Variants in PKHD1 observed in about 807,000 individuals in gnomAD.
The protein encoded by PKHD1 is fibrocystin.
A neutral mutation model predicts 412.0 loss-of-function variants in PKHD1; 291 were observed. That is an observed-to-expected ratio of 0.71 (90% confidence interval 0.64 to 0.78). PKHD1 has a LOEUF of 0.78. Ranked by LOEUF, PKHD1 falls within the 30% of genes least tolerant of loss-of-function variation. The pLI is 0.00. For missense variants in PKHD1, 4,825 were observed against 4,950.7 expected, an observed-to-expected ratio of 0.97 and a Z score of 0.76; for synonymous variants, 1,777 against 1,821.5, an observed-to-expected ratio of 0.98 and a Z score of 0.62.
chr6:51,690,271 C>CAA (rs70977310), intron 60 of PKHD1, among the ~76,000 whole-genome samples: 26 of 109,918 alleles, frequency 2.4e-4, no homozygotes, highest in South Asian at 9.6e-4. Context: ...GACTCCATCT[C>CAA]AAAAAAAAAA....
At chr6:52,053,645 T>C (rs554579652) in intron 20 of PKHD1, among the ~76,000 whole-genome samples, 6 of 152,226 alleles carry the variant, frequency 3.9e-5, no homozygotes, top group Non-Finnish European at 8.8e-5. Context: ...ATGAGAATTA[T>C]GTGGAAAGCA....
intron 53 of PKHD1, among the ~76,000 whole-genome samples, chr6:51,778,417 T>C (rs148029229): frequency 7.9e-4 from 120 of 152,248 alleles, no homozygotes; most frequent in Non-Finnish European, 1.5e-3. Flanking sequence ...ATGAGGAAAC[T>C]GAGGCAAAGA....
intron 46 of PKHD1, among the ~76,000 whole-genome samples, chr6:51,872,587 T>C (rs187317887): frequency 6.6e-6 from 1 of 152,236 alleles, no homozygotes; most frequent in Non-Finnish European, 1.5e-5. Context: ...TTTTGTACTT[T>C]TAGTAGAGAC....
At chr6:51,968,438 G>A (rs1793173315) in intron 35 of PKHD1, among the ~76,000 whole-genome samples, 2 of 152,130 alleles carry the variant, frequency 1.3e-5, no homozygotes, top group African/African-American at 2.4e-5. Flanking sequence ...ACAGCTCACT[G>A]AGGGCAAAGA....
intron 55 of PKHD1, 148 bp from the exon 56 acceptor site, chr6:51,755,086 G>T: frequency 2.6e-6 from 2 of 755,822 alleles, no homozygotes; most frequent in Non-Finnish European, 4.6e-6. Flanking sequence ...GTGGAAAAAG[G>T]CTTTCGCAAA....
rs1180078431 is a variant in PKHD1 at position 52,028,174 on chromosome 6, A to T, written c.3542T>A (p.Val1181Asp). ...LHRISVSING[V>D]SIHSQGVDLH... ...ACCTCACCCTTGTGAGTGAATGCTG[A>T]CCCCATTGATAGAGACGGAAATTCT... is the stretch of plus-strand genomic sequence containing the variant. The change falls in exon 30 of 67, where the codon GTC (valine) becomes GAC (aspartate). Residue 1181 changes from valine (V) to aspartate (D), a missense_variant. Coordinates refer to ENST00000371117, the MANE Select transcript of PKHD1 (RefSeq NM_138694.4). 6.2e-7 allele frequency: 1 copy of T among 1,614,084 alleles called. No individual in the cohort carries two copies. The highest frequency in any genetic ancestry group is 1.3e-5 in the African/African-American group (1 of 74,930).
chr6:51,647,251 G>A (rs1173152700), intron 63 of PKHD1, among the ~76,000 whole-genome samples: 1 of 152,138 alleles, frequency 6.6e-6, no homozygotes, highest in Non-Finnish European at 1.5e-5. Flanking sequence ...ACGGTTTTGT[G>A]TGTGAGAGGG....
At chr6:51,696,823 G>T (rs758519533) in intron 60 of PKHD1, among the ~76,000 whole-genome samples, 1 of 152,086 alleles carries the variant, frequency 6.6e-6, no homozygotes, top group Non-Finnish European at 1.5e-5. Context: ...CCAAACTGAC[G>T]ACCAATCCTT....
intron 60 of PKHD1, among the ~76,000 whole-genome samples, chr6:51,698,465 C>T (rs893666703): frequency 2.6e-5 from 4 of 152,086 alleles, no homozygotes; most frequent in Admixed American, 2.0e-4. Context: ...TGGTCTAATG[C>T]TTTACAAGAA....
intron 35 of PKHD1, among the ~76,000 whole-genome samples, chr6:51,986,878 G>A (rs553654021): frequency 9.9e-5 from 15 of 152,188 alleles, no homozygotes; most frequent in Non-Finnish European, 2.2e-4. Context: ...CAAATAGCGT[G>A]GCAGCATTTG....
chr6:51,692,356 G>A (rs1303055310), intron 60 of PKHD1, among the ~76,000 whole-genome samples: 1 of 151,798 alleles, frequency 6.6e-6, no homozygotes, highest in Non-Finnish European at 1.5e-5. Flanking sequence ...TGAGCCTTCA[G>A]TACTAATCAA....
At chr6:51,732,295 AT>A (rs1360911424) in intron 60 of PKHD1, among the ~76,000 whole-genome samples, 1 of 152,186 alleles carries the variant, frequency 6.6e-6, no homozygotes, top group Non-Finnish European at 1.5e-5. Context: ...CCAGTCCTTC[AT>A]AAAAATATCA....
intron 60 of PKHD1, among the ~76,000 whole-genome samples, chr6:51,716,148 G>A (rs192239342): frequency 2.6e-5 from 4 of 152,338 alleles, no homozygotes; most frequent in Admixed American, 2.6e-4. Flanking sequence ...TACTTGTAGT[G>A]TTTGAAGTAT....
intron 52 of PKHD1, among the ~76,000 whole-genome samples, chr6:51,822,883 T>C (rs1463545946): frequency 6.6e-6 from 1 of 152,176 alleles, no homozygotes; most frequent in East Asian, 1.9e-4. Context: ...TCAATTCTGC[T>C]TTCCCATCAA....
In PKHD1 at chr6:51,746,824, T is replaced by C. The variant is rs1470362538; in HGVS notation, c.9895A>G (p.Asn3299Asp). 6.2e-7 allele frequency: 1 copy of C among 1,610,580 alleles called. No homozygotes were observed. Among genetic ancestry groups the C allele is most frequent in the South Asian group, 1.1e-5 (1 of 90,946 alleles). ...SDDLDVCILP[N>D]AENSGIMHPI... ...TGCATAATTCCACTGTTCTCTGCAT[T>C]TGGTAGAATGCAGACATCCAGGTCA... The change falls in exon 59 of 67, where the codon AAT (asparagine) becomes GAT (aspartate). Residue 3299 changes from asparagine to aspartate, a missense_variant. Coordinates refer to ENST00000371117, the MANE Select transcript of PKHD1 (RefSeq NM_138694.4).
chr6:52,019,313 G>A (rs1383117243), intron 33 of PKHD1, among the ~76,000 whole-genome samples: 1 of 152,184 alleles, frequency 6.6e-6, no homozygotes, highest in African/African-American at 2.4e-5. Flanking sequence ...AAGTACGTGG[G>A]GGAGGGTTTG....
In PKHD1 at chr6:51,754,946, A is replaced by T; in HGVS notation, c.8643-8T>A. 6.2e-7 allele frequency: 1 copy of T among 1,611,952 alleles called. No individual in the cohort carries two copies. Among genetic ancestry groups the T allele is most frequent in the Non-Finnish European group, 8.5e-7 (1 of 1,178,130 alleles). On this transcript the variant is annotated splice_region_variant and splice_polypyrimidine_tract_variant and intron_variant, in intron 55 of 66. Transcript: ENST00000371117. ...GCATCTTCTACTATAATTCTGTAACAGCATAACAATGGCATTGGATATACT... is the reference window on the plus strand; with the variant it reads ...GCATCTTCTACTATAATTCTGTAACTGCATAACAATGGCATTGGATATACT...
chr6:51,970,507 G>C (rs150274883), intron 35 of PKHD1, among the ~76,000 whole-genome samples: 1 of 152,150 alleles, frequency 6.6e-6, no homozygotes. Context: ...TTGAGGTCTT[G>C]GTCATAAATA....
chr6:51,872,326 C>A (rs552668743), intron 46 of PKHD1, among the ~76,000 whole-genome samples: 25 of 151,816 alleles, frequency 1.6e-4, no homozygotes, highest in Non-Finnish European at 3.1e-4. Context: ...TGCAAAACAC[C>A]AGGGACAAGG....
Sources: gnomAD v4.1 joint callset for allele counts (sites outside exome capture counted in the v4.1 genomes callset) on GRCh38, gnomAD v4.1.1 for gene constraint, MANE v1.5 for transcripts, NCBI Gene and HGNC (gene_info 2026-07-23, HGNC 2026-07-21) for gene names.